Variants in TAF15 observed in about 807,000 individuals in gnomAD.
TAF15 encodes TATA-box binding protein associated factor 15, also known as TATA-binding protein-associated factor 2N.
Under a neutral mutation model 102.5 loss-of-function variants are expected in TAF15, and 37 were observed. The observed-to-expected ratio is 0.36, with a 90% CI of 0.28 to 0.47. The LOEUF (loss-of-function observed/expected upper bound fraction) is 0.47, where lower values mean the gene tolerates loss of function less well. TAF15 is among the 20% of genes least tolerant of loss of function. TAF15 has a pLI of 0.99. For missense variants in TAF15, 652 were observed against 760.7 expected (o/e 0.86, Z 1.68); for synonymous variants, 273 against 259.2 (o/e 1.05, Z -0.51).
intron 9 of TAF15, among the ~76,000 whole-genome samples, 187 bp downstream of exon 9, chr17:35,834,785 G>T (rs1333804274): frequency 9.1e-6 from 1 of 110,228 alleles, no homozygotes; most frequent in Non-Finnish European, 1.7e-5. Context: ...CGCTCTTGTT[G>T]CCCAGGCTGG....
At chr17:35,842,138 G>GT (rs957698339) in intron 11 of TAF15, among the ~76,000 whole-genome samples, 54 of 147,770 alleles carry the variant, frequency 3.7e-4, no homozygotes, top group Admixed American at 8.1e-4. Context: ...TTTTGTTTTT[G>GT]TTTTTTTTTT....
chr17:35,844,670 G>A lies in TAF15; in HGVS notation c.1371G>A (p.Gly457=), dbSNP rs530070745. Residue 457 remains glycine, a synonymous_variant, in exon 15 of 16, where the codon GGG becomes GGA. Coordinates refer to ENST00000605844, the MANE Select transcript of TAF15 (RefSeq NM_139215.3). ...GGDRSGGGYG[G]DRGGGYGGDR... is the part of the protein sequence containing the mutation. ...ACAGAAGTGGGGGTGGCTATGGTGG[G>A]GACAGAGGCGGCGGCTATGGTGGGG... is the stretch of plus-strand genomic sequence containing the variant. 9.2e-5 allele frequency: 147 copies of A among 1,596,522 alleles called. No homozygotes were observed. In the East Asian group the frequency reaches 1.4e-3, roughly 15 times the overall value.
chr17:35,816,390 C>T (rs1035844441), intron 1 of TAF15, among the ~76,000 whole-genome samples: 9 of 152,138 alleles, frequency 5.9e-5, no homozygotes, highest in African/African-American at 1.9e-4. Flanking sequence ...GTCCCAGCTA[C>T]GCAGGAGGCT....
chr17:35,842,962 C>T (rs1160008232), intron 12 of TAF15, among the ~76,000 whole-genome samples: 1 of 151,994 alleles, frequency 6.6e-6, no homozygotes, highest in Non-Finnish European at 1.5e-5. Context: ...AACTCCTGAC[C>T]TCATGATCCA....
rs1568255355 is a variant in TAF15, at chr17:35,824,060, A to G, written c.485-18A>G. On this transcript the variant is annotated intron_variant, in intron 6 of 15. Coordinates refer to ENST00000605844, the MANE Select transcript of TAF15 (RefSeq NM_139215.3). ...AAATGAGAGTGGTTATTTGTGTGTAATATTTTCTTTTTTGTAGATGACCGT... is the reference window on the plus strand; with the variant it reads ...AAATGAGAGTGGTTATTTGTGTGTAGTATTTTCTTTTTTGTAGATGACCGT... The G allele has an allele frequency of 1.9e-6, 3 of 1,614,078 alleles. No homozygotes were observed. Among genetic ancestry groups the G allele is most frequent in the African/African-American group, 1.3e-5 (1 of 75,020 alleles).
intron 1 of TAF15, chr17:35,810,683 A>G (rs535193715): frequency 3.3e-5 from 5 of 152,232 alleles, no homozygotes; most frequent in African/African-American, 1.2e-4. Flanking sequence ...AGTAAGGCCA[A>G]ACCTGCCTAG....
At position 35,844,862 on chromosome 17, in the gene TAF15, C is replaced by A. The variant is rs201333332; in HGVS notation, c.1563C>A (p.Gly521=). ...GAGGTTATGGAGGAGATCGAGGAGG[C>A]TATGGAGGAGACAGAAGCCGGGGGG... The part of the protein sequence containing the change: ...DRGGYGGDRG[G]YGGDRSRGGY... The change falls in exon 15 of 16, where the codon GGC becomes GGA. Residue 521 remains glycine, a synonymous_variant. Transcript: ENST00000605844. The A allele has an allele frequency of 1.9e-6, 3 of 1,609,376 alleles. No individual in the cohort carries two copies. In the South Asian group the frequency reaches 3.3e-5, roughly 18 times the overall value.
chr17:35,834,615 T>G lies in TAF15; in HGVS notation c.673+17T>G, dbSNP rs569614506. The G allele has an allele frequency of 6.2e-7, 1 of 1,613,218 alleles. No individual in the cohort carries two copies. The highest frequency in any genetic ancestry group is 2.2e-5 in the East Asian group (1 of 44,854). ...CAGATGCTGGTAAGGTTTATGGTGGTTTGTCACTTTGCCATTAAGAAAATG... is the reference window on the plus strand; with the variant it reads ...CAGATGCTGGTAAGGTTTATGGTGGGTTGTCACTTTGCCATTAAGAAAATG... On this transcript the variant is annotated intron_variant, in intron 9 of 15. Coordinates refer to ENST00000605844, the MANE Select transcript of TAF15 (RefSeq NM_139215.3).
At position 35,834,570 on chromosome 17, in the gene TAF15, C is replaced by G. The variant is rs201942273; in HGVS notation, c.645C>G (p.His215Gln). Residue 215 changes from histidine to glutamine, a missense_variant, in exon 9 of 16, where the codon CAC becomes CAG. Physicochemically the swap from His to Gln is conservative, Grantham distance 24. Coordinates refer to ENST00000605844, the MANE Select transcript of TAF15 (RefSeq NM_139215.3). ...DRGGFKNFGG[H>Q]RDYGPRTDAD... Reference sequence around the variant, plus strand: ...TTTTCTTTTCTTTTCCCTTAGGTCACAGGGATTATGGACCCAGAACAGATG... The same window carrying G: ...TTTTCTTTTCTTTTCCCTTAGGTCAGAGGGATTATGGACCCAGAACAGATG... 206 of 1,612,902 alleles carry G rather than the reference C, an allele frequency of 1.3e-4. No individual in the cohort carries two copies. The highest frequency in any genetic ancestry group is 6.7e-5 in the Admixed American group (4 of 59,916).
chr17:35,832,013 G>C (rs1012213230), intron 7 of TAF15, among the ~76,000 whole-genome samples: 9 of 152,172 alleles, frequency 5.9e-5, no homozygotes, highest in African/African-American at 2.2e-4. Context: ...GGGAGGCGGA[G>C]CTTGCGGTGA....
At chr17:35,843,194 G>A (rs2087568066) in intron 12 of TAF15, among the ~76,000 whole-genome samples, 1 of 151,370 alleles carries the variant, frequency 6.6e-6, no homozygotes, top group Non-Finnish European at 1.5e-5. Context: ...CGCGTTCTTG[G>A]CTCACCGCAA....
At chr17:35,827,897 A>C (rs1294961237) in intron 7 of TAF15, among the ~76,000 whole-genome samples, 2 of 152,212 alleles carry the variant, frequency 1.3e-5, no homozygotes, top group African/African-American at 2.4e-5. Flanking sequence ...CAGGAAACTT[A>C]ATCTTTTTCT....
chr17:35,825,667 G>A (rs2087316121), intron 7 of TAF15, among the ~76,000 whole-genome samples: 1 of 152,156 alleles, frequency 6.6e-6, no homozygotes, highest in African/African-American at 2.4e-5. Flanking sequence ...TATTTTCACT[G>A]GCCAGGCATG....
chr17:35,812,849 C>T (rs1019138571), intron 1 of TAF15, among the ~76,000 whole-genome samples: 4 of 151,466 alleles, frequency 2.6e-5, no homozygotes, highest in East Asian at 3.9e-4. Context: ...CAAGGTTGGC[C>T]GGGTGCGGTG....
intron 11 of TAF15, among the ~76,000 whole-genome samples, chr17:35,842,081 G>A (rs376368397): frequency 2.2e-4 from 33 of 152,012 alleles, no homozygotes; most frequent in Middle Eastern, 3.4e-3. Flanking sequence ...TCAGCCTCCT[G>A]AGTAGCTGGG....
intron 5 of TAF15, among the ~76,000 whole-genome samples, chr17:35,822,084 G>A (rs1417764178): frequency 6.6e-6 from 1 of 151,068 alleles, no homozygotes; most frequent in South Asian, 2.1e-4. Flanking sequence ...GCTCACACCT[G>A]TAATCCCAGC....
Position 35,822,757 on chromosome 17 carries a change from TC to T in TAF15, c.409del (p.Gln137SerfsTer31). 6.2e-7 allele frequency: 1 copy of T among 1,614,182 alleles called. No homozygotes were observed. The highest frequency in any genetic ancestry group is 2.2e-5 in the East Asian group (1 of 44,878). ...GSYDEQSNYD[Q>X]QHDSYSQNQQ... The stretch of plus-strand genomic sequence containing the variant: ...CATATGATGAGCAGTCAAATTATGA[TC>T]AGCAGCATGATTCCTATAGTCAAAA... On this transcript the variant is annotated frameshift_variant, in exon 6 of 16. Transcript: ENST00000605844. LOFTEE classifies it high-confidence loss of function.
rs1265574649 is a variant in TAF15, at chr17:35,842,519, ACT to A, written c.1006+63_1006+64del. 6 of 1,333,596 alleles carry A rather than the reference ACT, an allele frequency of 4.5e-6. No individual in the cohort carries two copies. The Admixed American group carries it at 5.3e-5, about 12-fold the overall frequency. 82.6% of individuals were successfully genotyped at this position (1,333,596 alleles called of 1,614,324 possible). On this transcript the variant is annotated intron_variant, in intron 12 of 15. Transcript: ENST00000605844. The stretch of plus-strand genomic sequence containing the variant: ...TCCAAGGGTTTAAGTTTGAGTTCAT[ACT>A]CTGTTTCTATTTGTGTGAACTTGCT...
intron 7 of TAF15, among the ~76,000 whole-genome samples, chr17:35,828,404 A>G (rs1258047146): frequency 6.6e-6 from 1 of 152,246 alleles, no homozygotes. Flanking sequence ...ATTTAACTCA[A>G]TATATTCAAA....
Sources: allele counts gnomAD v4.1 joint callset (sites outside exome capture counted in the v4.1 genomes callset), GRCh38; gene constraint gnomAD v4.1.1; transcripts MANE v1.5; gene names NCBI Gene and HGNC (gene_info 2026-07-23, HGNC 2026-07-21).